Variants in PPFIBP1 observed in about 807,000 individuals in gnomAD.
The protein encoded by PPFIBP1 is PPFIB scaffold protein 1, also known as liprin-beta-1.
A neutral mutation model predicts 137.8 loss-of-function variants in PPFIBP1; 112 were observed. The observed-to-expected ratio is 0.81, with a 90% CI of 0.70 to 0.95. The LOEUF is 0.95. Ranked by LOEUF, PPFIBP1 falls within the 40% of genes least tolerant of loss-of-function variation. The pLI is 0.00. For synonymous variants in PPFIBP1, 378 were observed against 417.3 expected (o/e 0.91, Z 1.15); for missense variants, 1,083 against 1,196.6 (o/e 0.91, Z 1.40).
intron 1 of PPFIBP1, among the ~76,000 whole-genome samples, chr12:27,573,721 G>T (rs1021184663): frequency 2.0e-5 from 3 of 152,226 alleles, no homozygotes; most frequent in African/African-American, 7.2e-5. Flanking sequence ...AGTGGCCCAT[G>T]CCTGTAATCC....
At chr12:27,682,828 T>C (rs2060957736) in intron 24 of PPFIBP1, 125 bp downstream of exon 24, 1 of 1,463,328 alleles carries the variant, frequency 6.8e-7, no homozygotes, top group Non-Finnish European at 9.2e-7. Flanking sequence ...TTGCTTGAAC[T>C]TGAGGAGAGT....
intron 24 of PPFIBP1, among the ~76,000 whole-genome samples, chr12:27,684,935 A>G (rs1036135043): frequency 5.3e-5 from 8 of 152,112 alleles, no homozygotes; most frequent in African/African-American, 9.7e-5. Context: ...TGTTAATACA[A>G]TCAACTAAAC....
rs1164751048 is a variant in PPFIBP1 at position 27,587,930 on chromosome 12, G to A, written c.-36+9691G>A. On this transcript the variant is annotated intron_variant, in intron 2 of 29. Coordinates refer to ENST00000228425, the MANE Select transcript of PPFIBP1 (RefSeq NM_003622.4). ...AAGATTCCATCAAAAATCACAAATA[G>A]CAATTGGTTGTCATGTTTCTTTCAT... Among the ~76,000 whole-genome samples the A allele has an allele frequency of 3.9e-5, 6 of 152,190 alleles. No homozygotes were observed. In the East Asian group the frequency reaches 7.7e-4, roughly 20 times the overall value.
At chr12:27,677,297 C>T in intron 19 of PPFIBP1, 1 of 627,304 alleles carries the variant, frequency 1.6e-6, no homozygotes, top group South Asian at 1.9e-5. Flanking sequence ...CTGTTTTAAC[C>T]AATACTAGTA....
At chr12:27,609,414 A>G (rs1448730344) in intron 2 of PPFIBP1, among the ~76,000 whole-genome samples, 8 of 152,198 alleles carry the variant, frequency 5.3e-5, no homozygotes, top group Admixed American at 5.2e-4. Context: ...TCATTCCTGC[A>G]TACAGTCACT....
intron 2 of PPFIBP1, among the ~76,000 whole-genome samples, chr12:27,623,498 T>A (rs1012521447): frequency 3.3e-5 from 5 of 152,108 alleles, no homozygotes; most frequent in Non-Finnish European, 5.9e-5. Flanking sequence ...CTCAGGAGTG[T>A]GAGACCAGCC....
intron 3 of PPFIBP1, 138 bp downstream of exon 3, chr12:27,633,598 T>G: frequency 7.5e-6 from 5 of 664,350 alleles, no homozygotes; most frequent in Non-Finnish European, 1.2e-5. Context: ...TAATTTCATC[T>G]TTGTTCCTCT....
intron 6 of PPFIBP1, among the ~76,000 whole-genome samples, chr12:27,649,120 T>C (rs1172579566): frequency 6.6e-6 from 1 of 152,188 alleles, no homozygotes; most frequent in Non-Finnish European, 1.5e-5. Context: ...ATATTCCTAC[T>C]ATGTAGCCAC....
intron 9 of PPFIBP1, among the ~76,000 whole-genome samples, chr12:27,658,472 A>G (rs1472061771): frequency 2.0e-5 from 3 of 152,224 alleles, no homozygotes; most frequent in African/African-American, 7.2e-5. Context: ...TCAAACCGTG[A>G]TGGAAATATA....
chr12:27,563,893 G>A (rs1555194746), intron 1 of PPFIBP1, among the ~76,000 whole-genome samples: 1 of 143,930 alleles, frequency 6.9e-6, no homozygotes, highest in Non-Finnish European at 1.5e-5. Flanking sequence ...TCTTTTTTGA[G>A]ACGGAGTCTC....
chr12:27,537,881 C>A lies in PPFIBP1; in HGVS notation c.-124+13516C>A, dbSNP rs1258827844. Among the ~76,000 whole-genome samples, 3 of 152,106 alleles carry A rather than the reference C, an allele frequency of 2.0e-5. No individual in the cohort carries two copies. The East Asian group carries it at 5.8e-4, about 29-fold the overall frequency. Reference sequence around the variant, plus strand: ...AGCTATGTAAATGGAAAGCAGGTATCTGGCTATTCTTAAGAATGGTGTGAA... The same window carrying A: ...AGCTATGTAAATGGAAAGCAGGTATATGGCTATTCTTAAGAATGGTGTGAA... On this transcript the variant is annotated intron_variant, in intron 1 of 29. Coordinates refer to ENST00000228425, the MANE Select transcript of PPFIBP1 (RefSeq NM_003622.4).
chr12:27,555,536 G>T (rs527945073), intron 1 of PPFIBP1, among the ~76,000 whole-genome samples: 33 of 152,274 alleles, frequency 2.2e-4, no homozygotes, highest in African/African-American at 7.7e-4. Context: ...GCTAAGCCTT[G>T]TTTTCCTCTT....
chr12:27,525,403 G>A (rs1943608418), intron 1 of PPFIBP1, among the ~76,000 whole-genome samples: 1 of 151,156 alleles, frequency 6.6e-6, no homozygotes, highest in African/African-American at 2.4e-5. Context: ...GTGTGCCCAG[G>A]TCACTAACTG....
At chr12:27,551,357 C>T (rs1007530220) in intron 1 of PPFIBP1, among the ~76,000 whole-genome samples, 1 of 152,108 alleles carries the variant, frequency 6.6e-6, no homozygotes, top group South Asian at 2.1e-4. Context: ...ATCATGGTTG[C>T]CCTATGTTAC....
intron 1 of PPFIBP1, among the ~76,000 whole-genome samples, chr12:27,534,949 C>A (rs1012131702): frequency 6.6e-6 from 1 of 152,152 alleles, no homozygotes; most frequent in Non-Finnish European, 1.5e-5. Context: ...TTGAAGAATG[C>A]AATGATTAAG....
chr12:27,645,153 C>G (rs1460558352), intron 4 of PPFIBP1, among the ~76,000 whole-genome samples: 1 of 152,114 alleles, frequency 6.6e-6, no homozygotes, highest in African/African-American at 2.4e-5. Flanking sequence ...CTAACACTTT[C>G]GGATTTCAGC....
At chr12:27,564,382 C>T (rs186584533) in intron 1 of PPFIBP1, among the ~76,000 whole-genome samples, 27 of 152,280 alleles carry the variant, frequency 1.8e-4, no homozygotes, top group African/African-American at 6.0e-4. Context: ...TCTTCTTAAA[C>T]ATTCACATAG....
At chr12:27,657,914 C>T (rs968729758) in intron 9 of PPFIBP1, among the ~76,000 whole-genome samples, 2 of 151,862 alleles carry the variant, frequency 1.3e-5, no homozygotes, top group Non-Finnish European at 2.9e-5. Flanking sequence ...TCAAGACCAG[C>T]CTGGGCAACA....
intron 16 of PPFIBP1, 32 bp from the exon 17 acceptor site, chr12:27,674,160 A>G (rs1593295749): frequency 1.3e-6 from 2 of 1,555,012 alleles, no homozygotes; most frequent in Non-Finnish European, 1.8e-6. Context: ...GATTTCCCTA[A>G]CAACCTTAAA....
Sources: allele counts gnomAD v4.1 joint callset (sites outside exome capture counted in the v4.1 genomes callset), GRCh38; gene constraint gnomAD v4.1.1; transcripts MANE v1.5; gene names NCBI Gene and HGNC (gene_info 2026-07-23, HGNC 2026-07-21).